RORA: variants seen among roughly 807,000 people sequenced by gnomAD.
RORA encodes the protein RAR related orphan receptor A, also known as nuclear receptor ROR-alpha.
Under a neutral mutation model 69.5 loss-of-function variants are expected in RORA, and 7 were observed. That is an observed-to-expected ratio of 0.10 (90% CI 0.06 to 0.19). RORA has a LOEUF of 0.19. RORA is among the 10% of genes least tolerant of loss of function. The pLI is 1.00. For synonymous variants in RORA, 261 were observed against 240.8 expected (o/e 1.08, Z -0.78); for missense variants, 457 against 663.0 (o/e 0.69, Z 3.41).
intron 1 of RORA, among the ~76,000 whole-genome samples, chr15:60,793,386 A>G (rs2072445243): frequency 6.6e-6 from 1 of 152,220 alleles, no homozygotes; most frequent in African/African-American, 2.4e-5. Flanking sequence ...ACAACAAAAA[A>G]ATATGCTGCC....
chr15:60,634,712 AC>A (rs2069805625), intron 2 of RORA, among the ~76,000 whole-genome samples: 1 of 151,906 alleles, frequency 6.6e-6, no homozygotes, highest in Non-Finnish European at 1.5e-5. Context: ...CCACTTTTTT[AC>A]CTTCTCAAAA....
intron 1 of RORA, among the ~76,000 whole-genome samples, chr15:60,831,105 A>G (rs1190082365): frequency 6.6e-6 from 1 of 152,232 alleles, no homozygotes; most frequent in Non-Finnish European, 1.5e-5. Flanking sequence ...TTTGGGGAAC[A>G]TTAAATAAGC....
chr15:60,592,274 C>A, intron 2 of RORA: 1 of 736,564 alleles, frequency 1.4e-6, no homozygotes, highest in Non-Finnish European at 1.8e-6. Flanking sequence ...CGCGCCGAGC[C>A]CCGGGCAGTA....
intron 1 of RORA, among the ~76,000 whole-genome samples, chr15:61,082,492 A>G (rs986766338): frequency 5.9e-5 from 9 of 152,114 alleles, no homozygotes; most frequent in Non-Finnish European, 1.3e-4. Flanking sequence ...TCCATCTCAA[A>G]CAAACAAACA....
intron 1 of RORA, among the ~76,000 whole-genome samples, chr15:61,157,689 C>T (rs1385280633): frequency 6.6e-6 from 1 of 152,164 alleles, no homozygotes; most frequent in African/African-American, 2.4e-5. Context: ...GCAGCTCTCT[C>T]CCATTAGTGT....
intron 2 of RORA, among the ~76,000 whole-genome samples, chr15:60,551,298 A>G (rs1264622482): frequency 6.6e-6 from 1 of 151,834 alleles, no homozygotes; most frequent in Non-Finnish European, 1.5e-5. Context: ...TGACCTCAAT[A>G]TGGAGTAAAA....
At chr15:60,592,269 C>G (rs2068545560) in intron 2 of RORA, 2 of 671,448 alleles carry the variant, frequency 3.0e-6, no homozygotes, top group Admixed American at 9.5e-5. Context: ...GCCCCCGCGC[C>G]GAGCCCCGGG....
At chr15:60,801,246 C>T (rs2072576692) in intron 1 of RORA, among the ~76,000 whole-genome samples, 2 of 152,148 alleles carry the variant, frequency 1.3e-5, no homozygotes, top group Admixed American at 1.3e-4. Context: ...TTACAGAAAA[C>T]ATTCTCTAAG....
At position 61,113,858 on chromosome 15, in the gene RORA, T is replaced by C. The variant is rs559638306; in HGVS notation, c.166+115195A>G. On this transcript the variant is annotated intron_variant, in intron 1 of 10. Transcript: ENST00000335670. ...TCAACGTCCTTGTTATCGTGGTAAA[T>C]TGACCTTCGTTGCCAAGGCAAAGTC... is the stretch of plus-strand genomic sequence containing the variant. Among the ~76,000 whole-genome samples, 8 of 152,344 alleles carry C rather than the reference T, an allele frequency of 5.3e-5. No individual in the cohort carries two copies. In the South Asian group the frequency reaches 1.7e-3, roughly 32 times the overall value.
intron 1 of RORA, among the ~76,000 whole-genome samples, chr15:61,057,518 T>G (rs1367820171): frequency 6.6e-6 from 1 of 152,116 alleles, no homozygotes. Flanking sequence ...AAATTTGGAG[T>G]CAGCTCATAA....
At chr15:61,002,940 C>A (rs1430320062) in intron 1 of RORA, among the ~76,000 whole-genome samples, 2 of 148,736 alleles carry the variant, frequency 1.3e-5, no homozygotes, top group Non-Finnish European at 3.0e-5. Context: ...GACCATCTTG[C>A]CTAACACAGT....
Position 61,070,161 on chromosome 15 carries a change from C to T in RORA, c.166+158892G>A, listed in dbSNP as rs1346594966. Among the ~76,000 whole-genome samples, 8 of 152,250 alleles carry T rather than the reference C, an allele frequency of 5.3e-5. No individual in the cohort carries two copies. In the East Asian group the frequency reaches 1.5e-3, roughly 29 times the overall value. ...GAGGTAGAAGAATACATAAAGTCCTCGATTTGCAAGCATCCAACTTGTGCA... is the reference window on the plus strand; with the variant it reads ...GAGGTAGAAGAATACATAAAGTCCTTGATTTGCAAGCATCCAACTTGTGCA... On this transcript the variant is annotated intron_variant, in intron 1 of 10. Coordinates refer to ENST00000335670, the MANE Select transcript of RORA (RefSeq NM_134261.3).
chr15:60,916,053 T>C (rs975561723), intron 1 of RORA, among the ~76,000 whole-genome samples: 1 of 152,154 alleles, frequency 6.6e-6, no homozygotes, highest in Admixed American at 6.5e-5. Flanking sequence ...CATCTCAAAT[T>C]GACTGGAAGG....
At chr15:61,190,573 C>T (rs930631773) in intron 1 of RORA, among the ~76,000 whole-genome samples, 1 of 152,054 alleles carries the variant, frequency 6.6e-6, no homozygotes, top group African/African-American at 2.4e-5. Flanking sequence ...CCAGCCTGGG[C>T]AACATTGCGA....
chr15:60,991,690 C>T (rs1330156150), intron 1 of RORA, among the ~76,000 whole-genome samples: 13 of 152,128 alleles, frequency 8.5e-5, no homozygotes, highest in Middle Eastern at 3.4e-3. Flanking sequence ...TTGATCCCAG[C>T]AGTTCAAGGC....
chr15:60,901,084 A>G (rs1891378862), intron 1 of RORA, among the ~76,000 whole-genome samples: 1 of 152,146 alleles, frequency 6.6e-6, no homozygotes, highest in Non-Finnish European at 1.5e-5. Flanking sequence ...CACACAATAA[A>G]TACTTCTTGT....
intron 1 of RORA, among the ~76,000 whole-genome samples, chr15:60,916,561 A>G (rs1481206311): frequency 6.6e-6 from 1 of 152,204 alleles, no homozygotes; most frequent in Non-Finnish European, 1.5e-5. Context: ...CTTCCTCTTA[A>G]TAAATAGCTT....
intron 1 of RORA, among the ~76,000 whole-genome samples, chr15:60,954,112 A>G (rs1219800050): frequency 6.8e-6 from 1 of 147,966 alleles, no homozygotes; most frequent in East Asian, 2.0e-4. Context: ...CTATGCAGCC[A>G]TAAAAAATGA....
At chr15:61,093,939 G>A (rs2078750138) in intron 1 of RORA, among the ~76,000 whole-genome samples, 1 of 152,180 alleles carries the variant, frequency 6.6e-6, no homozygotes, top group African/African-American at 2.4e-5. Context: ...ATGACCTCAG[G>A]TGAGGATTAC....
Sources: gnomAD v4.1 joint callset for allele counts (sites outside exome capture counted in the v4.1 genomes callset) on GRCh38, gnomAD v4.1.1 for gene constraint, MANE v1.5 for transcripts, NCBI Gene and HGNC (gene_info 2026-07-23, HGNC 2026-07-21) for gene names.